LPL: variants seen among roughly 807,000 people sequenced by gnomAD.
The protein encoded by LPL is lipoprotein lipase.
In LPL, 43 loss-of-function variants were observed where a neutral mutation model predicts 52.2. That is an observed-to-expected ratio of 0.82 (90% CI 0.64 to 1.06). The LOEUF is 1.06. LPL is among the 50% of genes least tolerant of loss of function. The pLI is 0.00. For synonymous variants in LPL, 244 were observed against 215.6 expected, an observed-to-expected ratio of 1.13 and a Z score of -1.15; for missense variants, 639 against 585.3, an observed-to-expected ratio of 1.09 and a Z score of -0.95.
At position 19,962,147 on chromosome 8, in the gene LPL, A is replaced by C; in HGVS notation, c.1355A>C (p.His452Pro). ...TTCTGTTCTAGGGAGAAAGTGTCTCATTTGCAGAAAGGAAAGGCACCTGCG... is the reference window on the plus strand; with the variant it reads ...TTCTGTTCTAGGGAGAAAGTGTCTCCTTTGCAGAAAGGAAAGGCACCTGCG... Reference protein sequence around the residue: ...VIFCSREKVSHLQKGKAPAVF... With the variant: ...VIFCSREKVSPLQKGKAPAVF... Residue 452 changes from histidine (H) to proline (P), a missense_variant, in exon 9 of 10, where the codon CAT becomes CCT. Physicochemically the swap from His to Pro is moderately conservative, Grantham distance 77. Transcript: ENST00000650287. 6.2e-7 allele frequency: 1 copy of C among 1,613,834 alleles called. No homozygotes were observed. The highest frequency in any genetic ancestry group is 8.5e-7 in the Non-Finnish European group (1 of 1,179,800).
At chr8:19,953,453 A>G in intron 4 of LPL, 32 bp downstream of exon 4, 1 of 1,462,658 alleles carries the variant, frequency 6.8e-7, no homozygotes, top group Middle Eastern at 1.7e-4. Context: ...TCTTATCATA[A>G]GAGGTGAAAA....
intron 9 of LPL, among the ~76,000 whole-genome samples, chr8:19,964,224 T>G (rs2070066161): frequency 6.6e-6 from 1 of 152,174 alleles, no homozygotes; most frequent in African/African-American, 2.4e-5. Flanking sequence ...AGTGCTGGGA[T>G]TATAGGTGTG....
In LPL at chr8:19,962,147, A is replaced by G. The variant is rs777332353; in HGVS notation, c.1355A>G (p.His452Arg). ...TTCTGTTCTAGGGAGAAAGTGTCTC[A>G]TTTGCAGAAAGGAAAGGCACCTGCG... ...VIFCSREKVS[H>R]LQKGKAPAVF... is the part of the protein sequence containing the mutation. Residue 452 changes from histidine to arginine, a missense_variant, in exon 9 of 10, where the codon CAT (histidine) becomes CGT (arginine). Transcript: ENST00000650287. 1 of 1,613,834 alleles carries G rather than the reference A, an allele frequency of 6.2e-7. No individual in the cohort carries two copies.
intron 8 of LPL, among the ~76,000 whole-genome samples, chr8:19,961,289 T>A (rs1278399047): frequency 6.6e-6 from 1 of 151,884 alleles, no homozygotes; most frequent in Non-Finnish European, 1.5e-5. Context: ...TATTTTTGTA[T>A]TTCATGTAAG....
chr8:19,940,490 C>A lies in LPL; in HGVS notation c.88+962C>A, dbSNP rs369619323. Among the ~76,000 whole-genome samples, 93 of 152,348 alleles carry A rather than the reference C, an allele frequency of 6.1e-4. No individual in the cohort carries two copies. The South Asian group carries it at 0.017, about 28-fold the overall frequency. ...AACCGCCCGCTCGCTGGGGTCCAGG[C>A]GTTCGGGGCCAAATGAGAATGTCTC... On this transcript the variant is annotated intron_variant, in intron 1 of 9. Transcript: ENST00000650287.
In LPL at chr8:19,959,308, C is replaced by T. The variant is rs777263150; in HGVS notation, c.1067C>T (p.Thr356Ile). Residue 356 changes from threonine to isoleucine, a missense_variant, in exon 7 of 10, where the codon ACC becomes ATC. Physicochemically the swap from Thr to Ile is moderately conservative, Grantham distance 89. Coordinates refer to ENST00000650287, the MANE Select transcript of LPL (RefSeq NM_000237.3). The part of the protein sequence containing the change: ...KIHFSGTESE[T>I]HTNQAFEISL... ...CATTTTTCTGGGACTGAGAGTGAAACCCATACCAATCAGGCCTTTGAGATT... is the reference window on the plus strand; with the variant it reads ...CATTTTTCTGGGACTGAGAGTGAAATCCATACCAATCAGGCCTTTGAGATT... The T allele has an allele frequency of 6.2e-7, 1 of 1,614,078 alleles. No homozygotes were observed. The highest frequency in any genetic ancestry group is 2.2e-5 in the East Asian group (1 of 44,876).
Position 19,951,846 on chromosome 8 carries a change from TGTG to T in LPL, c.332_334del (p.Val111del), listed in dbSNP as rs1419129012. 8 of 1,613,972 alleles carry T rather than the reference TGTG, an allele frequency of 5.0e-6. No homozygotes were observed. Among genetic ancestry groups the T allele is most frequent in the Non-Finnish European group, 5.9e-6 (7 of 1,180,022 alleles). ...AGAGAGAACCAGACTCCAATGTCAT[TGTG>T]GTGGACTGGCTGTCACGGGCTCAGG... is the stretch of plus-strand genomic sequence containing the variant. On this transcript the variant is annotated inframe_deletion, in exon 3 of 10. Transcript: ENST00000650287.
chr8:19,948,007 T>G (rs1360849958), intron 1 of LPL, among the ~76,000 whole-genome samples, 173 bp from the exon 2 acceptor site: 1 of 152,208 alleles, frequency 6.6e-6, no homozygotes, highest in Non-Finnish European at 1.5e-5. Flanking sequence ...CTGTCAACTT[T>G]GCTCAACGTT....
rs753472797 is a variant in LPL at position 19,939,446 on chromosome 8, G to C, written c.6G>C (p.Glu2Asp). The C allele has an allele frequency of 6.2e-7, 1 of 1,609,564 alleles. No individual in the cohort carries two copies. The highest frequency in any genetic ancestry group is 8.5e-7 in the Non-Finnish European group (1 of 1,178,486). Reference protein sequence around the residue: MESKALLVLTLA... With the variant: MDSKALLVLTLA... ...CCAGAGGGACGCGCCCCGAGATGGA[G>C]AGCAAAGCCCTGCTCGTGCTGACTC... Residue 2 changes from glutamate (E) to aspartate (D), a missense_variant, in exon 1 of 10, where the codon GAG becomes GAC. Coordinates refer to ENST00000650287, the MANE Select transcript of LPL (RefSeq NM_000237.3). The surrounding 1 kb of genome is among the most constrained non-coding windows in gnomAD (Gnocchi z 4.0).
intron 1 of LPL, among the ~76,000 whole-genome samples, chr8:19,945,746 G>A (rs1371282762): frequency 6.6e-6 from 1 of 152,148 alleles, no homozygotes; most frequent in Non-Finnish European, 1.5e-5. Context: ...AGGGGAAAGT[G>A]GACTAAAAGT....
At chr8:19,955,194 G>A (rs1201875977) in intron 5 of LPL, among the ~76,000 whole-genome samples, 1 of 152,126 alleles carries the variant, frequency 6.6e-6, no homozygotes, top group Non-Finnish European at 1.5e-5. Flanking sequence ...ATATAAAAGA[G>A]TGTTAGTAGG....
intron 5 of LPL, 134 bp downstream of exon 5, chr8:19,954,487 T>C (rs931231210): frequency 3.9e-5 from 34 of 868,548 alleles, no homozygotes; most frequent in Middle Eastern, 2.5e-4. Context: ...TGAAGAATTC[T>C]GCAATGTTCA....
intron 1 of LPL, among the ~76,000 whole-genome samples, chr8:19,947,656 A>ACCC (rs11320112): frequency 4.3e-5 from 3 of 69,710 alleles, no homozygotes; most frequent in Admixed American, 3.5e-4. Flanking sequence ...AAACAAAACA[A>ACCC]CCCCCCCCCC....
intron 2 of LPL, among the ~76,000 whole-genome samples, chr8:19,949,312 A>T (rs374045257): frequency 2.6e-5 from 4 of 152,296 alleles, no homozygotes; most frequent in South Asian, 4.1e-4. Context: ...TGAAGAGGAC[A>T]ATCGCTACAA....
At chr8:19,948,858 G>C (rs1021338624) in intron 2 of LPL, among the ~76,000 whole-genome samples, 1 of 151,924 alleles carries the variant, frequency 6.6e-6, no homozygotes, top group African/African-American at 2.4e-5. Context: ...TAAAGCAGAG[G>C]TTGCACTAGA....
chr8:19,959,420 C>T, intron 7 of LPL, 40 bp downstream of exon 7: 2 of 1,612,808 alleles, frequency 1.2e-6, no homozygotes, highest in Non-Finnish European at 1.7e-6. Flanking sequence ...GCACCAGTCC[C>T]TCTCCTGCCA....
In LPL at chr8:19,939,843, T is replaced by C. The variant is rs1163321649; in HGVS notation, c.88+315T>C. 6.6e-6 allele frequency among the ~76,000 whole-genome samples: 1 copy of C among 151,720 alleles called. No homozygotes were observed. Among genetic ancestry groups the C allele is most frequent in the Admixed American group, 6.6e-5 (1 of 15,262 alleles). On this transcript the variant is annotated intron_variant, in intron 1 of 9. Transcript: ENST00000650287. The surrounding 1 kb of genome is among the most constrained non-coding windows in gnomAD (Gnocchi z 4.0). ...GCTCCGCCGGGGAGGTTCCGGGGTG[T>C]GGGGGCCGGGACGGCGGAGGCGGGG...
intron 5 of LPL, among the ~76,000 whole-genome samples, chr8:19,954,821 A>G (rs1554517654): frequency 6.6e-6 from 1 of 152,070 alleles, no homozygotes; most frequent in Non-Finnish European, 1.5e-5. Flanking sequence ...TAAATTTATG[A>G]TTTTTGTTTG....
At chr8:19,955,051 C>G (rs963319514) in intron 5 of LPL, among the ~76,000 whole-genome samples, 1 of 152,064 alleles carries the variant, frequency 6.6e-6, no homozygotes, top group Non-Finnish European at 1.5e-5. Context: ...GACATTGGGA[C>G]CTACCTAGGA....
Sources: gnomAD v4.1 joint callset for allele counts (sites outside exome capture counted in the v4.1 genomes callset) on GRCh38, gnomAD v4.1.1 for gene constraint, Gnocchi (gnomAD v3.1) non-coding constraint, MANE v1.5 for transcripts, NCBI Gene and HGNC (gene_info 2026-07-23, HGNC 2026-07-21) for gene names.